Variants in RBMS3 observed in about 807,000 individuals in gnomAD.
RBMS3 encodes RNA-binding motif, single-stranded-interacting protein 3.
A neutral mutation model predicts 66.8 loss-of-function variants in RBMS3; 27 were observed. The ratio of observed to expected loss-of-function variants is 0.40; its 90% CI spans 0.30 to 0.56. RBMS3 has a LOEUF of 0.56. Among genes scored for constraint, RBMS3 ranks in the 20% least tolerant of loss-of-function variants. The pLI is 0.40. For missense variants in RBMS3, 513 were observed against 549.5 expected (o/e 0.93, Z 0.66); for synonymous variants, 188 against 183.0 (o/e 1.03, Z -0.22).
chr3:29,704,061 T>C (rs1035829616), intron 4 of RBMS3, among the ~76,000 whole-genome samples: 3 of 152,208 alleles, frequency 2.0e-5, no homozygotes, highest in Non-Finnish European at 2.9e-5. Flanking sequence ...AACCCCAGAT[T>C]GGACTGTCTA....
intron 3 of RBMS3, among the ~76,000 whole-genome samples, chr3:29,540,178 A>G (rs966448360): frequency 1.3e-5 from 2 of 152,236 alleles, no homozygotes; most frequent in East Asian, 1.9e-4. Flanking sequence ...CCTAGTACAC[A>G]TAAAGGGGAT....
chr3:29,453,999 A>T (rs185111949), intron 2 of RBMS3, among the ~76,000 whole-genome samples: 3 of 152,346 alleles, frequency 2.0e-5, no homozygotes, highest in East Asian at 3.9e-4. Context: ...TAATGATAGT[A>T]GCAATAGGTG....
chr3:29,440,484 T>C (rs1299312947), intron 2 of RBMS3, among the ~76,000 whole-genome samples: 1 of 152,192 alleles, frequency 6.6e-6, no homozygotes, highest in Non-Finnish European at 1.5e-5. Context: ...TTCCAGTCCT[T>C]ACCAGAAGAG....
intron 2 of RBMS3, among the ~76,000 whole-genome samples, chr3:29,467,140 G>A (rs1330371970): frequency 2.0e-5 from 3 of 152,102 alleles, no homozygotes; most frequent in African/African-American, 7.2e-5. Flanking sequence ...TTCCCTAAAT[G>A]AGACCAAAGT....
intron 12 of RBMS3, among the ~76,000 whole-genome samples, chr3:29,946,383 T>C (rs1484043427): frequency 6.6e-6 from 1 of 151,642 alleles, no homozygotes; most frequent in African/African-American, 2.4e-5. Flanking sequence ...TTGATTGTAG[T>C]CGAGATATCT....
At chr3:29,409,024 T>C (rs2040150709) in intron 1 of RBMS3, among the ~76,000 whole-genome samples, 1 of 152,218 alleles carries the variant, frequency 6.6e-6, no homozygotes, top group East Asian at 1.9e-4. Context: ...TCTGAGACCA[T>C]CTAATTCAAC....
chr3:29,942,973 C>T (rs902520000), intron 11 of RBMS3, among the ~76,000 whole-genome samples: 8 of 151,680 alleles, frequency 5.3e-5, no homozygotes, highest in African/African-American at 1.9e-4. Context: ...GTATCTGTTG[C>T]AAGAAACAAA....
At chr3:29,407,121 A>C (rs1026196755) in intron 1 of RBMS3, among the ~76,000 whole-genome samples, 3 of 152,242 alleles carry the variant, frequency 2.0e-5, no homozygotes, top group Admixed American at 1.3e-4. Context: ...CAGTTCAGTG[A>C]TAAACTTAAA....
At chr3:29,430,374 G>A (rs1258888762) in intron 1 of RBMS3, among the ~76,000 whole-genome samples, 1 of 151,804 alleles carries the variant, frequency 6.6e-6, no homozygotes, top group Non-Finnish European at 1.5e-5. Context: ...TTTGTATTTT[G>A]TTCAGAAAGC....
At chr3:29,878,016 G>A (rs865863575) in intron 7 of RBMS3, among the ~76,000 whole-genome samples, 94 of 152,098 alleles carry the variant, frequency 6.2e-4, no homozygotes, top group African/African-American at 2.2e-3. Flanking sequence ...CCGTTGACAG[G>A]GGTGTTGGGG....
rs749839563 is a variant in RBMS3, at chr3:29,648,263, ATTTTTTTTT to A, written c.399+61072_399+61080del. Among the ~76,000 whole-genome samples, 3 of 77,642 alleles carry A rather than the reference ATTTTTTTTT, an allele frequency of 3.9e-5. No individual in the cohort carries two copies. The East Asian group carries it at 1.2e-3, about 32-fold the overall frequency. The allele number at this position is 77,642 out of a possible 152,430, so 50.9% of individuals were successfully genotyped here. Reference sequence around the variant, plus strand: ...AACATAGGGAAAATAGAAAATGTCTATTTTTTTTTTTTTTTTTTTTTTGCGACAGGGTCT... The same window carrying A: ...AACATAGGGAAAATAGAAAATGTCTATTTTTTTTTTTTTGCGACAGGGTCT... On this transcript the variant is annotated intron_variant, in intron 4 of 14. Transcript: ENST00000383767.
intron 4 of RBMS3, among the ~76,000 whole-genome samples, chr3:29,603,974 C>T (rs1480070943): frequency 1.3e-5 from 2 of 151,934 alleles, no homozygotes; most frequent in Non-Finnish European, 2.9e-5. Context: ...ATGGTGGTCA[C>T]AACTAGGGCA....
At chr3:29,399,932 C>T (rs942903088) in intron 1 of RBMS3, among the ~76,000 whole-genome samples, 4 of 151,880 alleles carry the variant, frequency 2.6e-5, no homozygotes, top group African/African-American at 9.7e-5. Flanking sequence ...TTAGAATGGT[C>T]AAGAGATAAA....
In RBMS3 at chr3:29,438,031, TC is replaced by T. The variant is rs1559361463; in HGVS notation, c.248+3117del. The stretch of plus-strand genomic sequence containing the variant: ...TCATTTGTAAAACCTTGCTTGTTTC[TC>T]TCTCTCTCTCTCTCTCTCTCTCTCT... On this transcript the variant is annotated intron_variant, in intron 2 of 14. Transcript: ENST00000383767. Among the ~76,000 whole-genome samples, 519 of 130,874 alleles carry T rather than the reference TC, an allele frequency of 4.0e-3. 3 individuals are homozygous for T. Among genetic ancestry groups the T allele is most frequent in the South Asian group, 0.022 (91 of 4,118 alleles). The allele number at this position is 130,874 out of a possible 152,430, so 85.9% of individuals were successfully genotyped here. A position where few individuals can be genotyped will look rare whatever the true frequency, so the allele number is the denominator to read the frequency against.
chr3:29,794,527 A>G (rs1479977340), intron 6 of RBMS3, among the ~76,000 whole-genome samples: 3 of 152,192 alleles, frequency 2.0e-5, no homozygotes, highest in Non-Finnish European at 2.9e-5. Flanking sequence ...CTGAGCTTAC[A>G]GTGAGCTGAG....
chr3:29,755,648 CA>C (rs1249126594), intron 5 of RBMS3, among the ~76,000 whole-genome samples: 1 of 152,182 alleles, frequency 6.6e-6, no homozygotes, highest in African/African-American at 2.4e-5. Flanking sequence ...GCCAGAGCCT[CA>C]GAGGAGGGCC....
At chr3:29,422,197 C>T (rs116466431) in intron 1 of RBMS3, among the ~76,000 whole-genome samples, 1 of 152,064 alleles carries the variant, frequency 6.6e-6, no homozygotes, top group African/African-American at 2.4e-5. Flanking sequence ...TCCTTAGACA[C>T]TATACAATGA....
chr3:29,928,880 C>A (rs566240088), intron 10 of RBMS3, among the ~76,000 whole-genome samples: 2 of 152,142 alleles, frequency 1.3e-5, no homozygotes, highest in African/African-American at 4.8e-5. Flanking sequence ...GTGGTAGACA[C>A]CCCCAGCTGA....
intron 14 of RBMS3, among the ~76,000 whole-genome samples, chr3:29,993,949 A>C (rs960778902): frequency 1.3e-5 from 2 of 151,128 alleles, no homozygotes; most frequent in African/African-American, 4.9e-5. Context: ...GAATAGGAAC[A>C]GCTCCAGTCT....
Sources: allele counts gnomAD v4.1 joint callset (sites outside exome capture counted in the v4.1 genomes callset), GRCh38; gene constraint gnomAD v4.1.1; transcripts MANE v1.5; gene names NCBI Gene and HGNC (gene_info 2026-07-23, HGNC 2026-07-21).